AGO4: variants seen among roughly 807,000 people sequenced by gnomAD.
The protein encoded by AGO4 is argonaute RISC component 4.
AGO4 carries 33 observed loss-of-function variants against 104.7 expected under a neutral mutation model. The observed-to-expected ratio is 0.32, with a 90% CI of 0.24 to 0.42. AGO4 has a LOEUF of 0.42. Ranked by LOEUF, AGO4 falls within the 10% of genes least tolerant of loss-of-function variation. The pLI, the probability that AGO4 is intolerant of heterozygous loss-of-function variation, is 1.00. For synonymous variants in AGO4, 331 were observed against 364.7 expected (o/e 0.91, Z 1.05); for missense variants, 711 against 1,083.4 (o/e 0.66, Z 4.83).
intron 17 of AGO4, among the ~76,000 whole-genome samples, chr1:35,853,287 C>CT (rs1644750182): frequency 1.3e-5 from 2 of 148,544 alleles, no homozygotes; most frequent in Admixed American, 6.7e-5. Flanking sequence ...GTTGAGTCAA[C>CT]TGATATTTAG....
Position 35,855,652 on chromosome 1 carries a change from C to CTT in AGO4, c.*2064_*2065dup, listed in dbSNP as rs67520708. The CTT allele has an allele frequency of 1.8e-4, 23 of 126,290 alleles. No individual in the cohort carries two copies. Among genetic ancestry groups the CTT allele is most frequent in the East Asian group, 4.4e-4 (2 of 4,534 alleles). The allele number at this position is 126,290 out of a possible 1,614,324, so 7.8% of individuals were successfully genotyped here. ...CAGATGTTAATTTCTTAAAATTTTC[C>CTT]TTTTTTTTTTTTTTTTTTGCAAATA... On this transcript the variant is annotated 3_prime_UTR_variant, in exon 18 of 18. Transcript: ENST00000373210.
In AGO4 at chr1:35,853,120, G is replaced by C. The variant is rs190825973; in HGVS notation, c.2478-377G>C. On this transcript the variant is annotated intron_variant, in intron 17 of 17. Transcript: ENST00000373210. ...AAAAAAATCAGCCGGGTGTGGTGGCGGGCGCCTGTAGTCCCAGCTACTCGG... is the reference window on the plus strand; with the variant it reads ...AAAAAAATCAGCCGGGTGTGGTGGCCGGCGCCTGTAGTCCCAGCTACTCGG... 1.1e-3 allele frequency among the ~76,000 whole-genome samples: 173 copies of C among 152,006 alleles called. 1 individual carries two copies. The highest frequency in any genetic ancestry group is 4.1e-3 in the African/African-American group (172 of 41,454).
intron 1 of AGO4, among the ~76,000 whole-genome samples, chr1:35,811,591 T>C (rs527949546): frequency 3.3e-5 from 5 of 152,214 alleles, no homozygotes; most frequent in South Asian, 4.2e-4. Context: ...CAAGGCACTA[T>C]GTTAAACGTT....
chr1:35,832,537 C>T lies in AGO4; in HGVS notation c.1346C>T (p.Ala449Val), dbSNP rs777144958. The part of the protein sequence containing the change: ...EIKVWAVACF[A>V]PQKQCREDLL... ...AAAGTTTGGGCAGTTGCTTGTTTTGCACCTCAGAAACAATGTAGGGAAGAT... is the reference window on the plus strand; with the variant it reads ...AAAGTTTGGGCAGTTGCTTGTTTTGTACCTCAGAAACAATGTAGGGAAGAT... Residue 449 changes from alanine to valine, a missense_variant, in exon 11 of 18, where the codon GCA becomes GTA. Around this residue, in one of 3 missense-constraint regions of AGO4, gnomAD observed 401 missense variants for 665.5 expected, o/e 0.60. Coordinates refer to ENST00000373210, the MANE Select transcript of AGO4 (RefSeq NM_017629.4). 3 of 1,613,542 alleles carry T rather than the reference C, an allele frequency of 1.9e-6. No homozygotes were observed. The highest frequency in any genetic ancestry group is 2.5e-6 in the Non-Finnish European group (3 of 1,179,876).
Position 35,831,468 on chromosome 1 carries a change from C to G in AGO4, c.890C>G (p.Thr297Arg). The G allele has an allele frequency of 6.2e-7, 1 of 1,614,100 alleles. No individual in the cohort carries two copies. Among genetic ancestry groups the G allele is most frequent in the Non-Finnish European group, 8.5e-7 (1 of 1,179,988 alleles). Residue 297 changes from threonine to arginine, a missense_variant, in exon 8 of 18, where the codon ACA (threonine) becomes AGA (arginine). By Grantham distance (71) the Thr-to-Arg change is moderately conservative (BLOSUM62 -1). Transcript: ENST00000373210. The part of the protein sequence containing the change: ...QLENGQAMEC[T>R]VAQYFKQKYS... ...GAAAACGGTCAAGCTATGGAATGTA[C>G]AGTAGCTCAATATTTTAAGCAAAAG...
intron 12 of AGO4, among the ~76,000 whole-genome samples, chr1:35,835,096 C>T (rs1048906066): frequency 1.3e-5 from 2 of 149,264 alleles, no homozygotes; most frequent in South Asian, 2.1e-4. Flanking sequence ...CTGCAGCCTC[C>T]GCCTCTTGGG....
chr1:35,834,837 AGG>A (rs1417843795), intron 12 of AGO4, among the ~76,000 whole-genome samples: 3 of 151,898 alleles, frequency 2.0e-5, no homozygotes, highest in Non-Finnish European at 2.9e-5. Flanking sequence ...CTGGGAATAC[AGG>A]TGCCCACAAC....
chr1:35,826,867 A>G (rs1324103810), intron 7 of AGO4, 32 bp downstream of exon 7: 2 of 1,600,432 alleles, frequency 1.2e-6, no homozygotes, highest in Non-Finnish European at 1.7e-6. Context: ...TAATACAATT[A>G]CATTTTTAGT....
rs567111163 is a variant in AGO4 at position 35,821,427 on chromosome 1, G to A, written c.186-1435G>A. On this transcript the variant is annotated intron_variant, in intron 2 of 17. Transcript: ENST00000373210. ...GTTCCCACACATGAAACTCACAAAC[G>A]TTGCTAAGTTAAAGCACCTAACTTT... Among the ~76,000 whole-genome samples, 14 of 152,204 alleles carry A rather than the reference G, an allele frequency of 9.2e-5. No homozygotes were observed. In the South Asian group the frequency reaches 1.9e-3, roughly 20 times the overall value.
rs540925152 is a variant in AGO4 at position 35,823,495 on chromosome 1, G to A, written c.306+513G>A. The stretch of plus-strand genomic sequence containing the variant: ...GGCTGGAGTGCAGTGGCGCGATCTC[G>A]GCGCAGTGCAACTTCCACTTCCTGG... On this transcript the variant is annotated intron_variant, in intron 3 of 17. Coordinates refer to ENST00000373210, the MANE Select transcript of AGO4 (RefSeq NM_017629.4). 2.6e-5 allele frequency among the ~76,000 whole-genome samples: 4 copies of A among 152,170 alleles called. No homozygotes were observed. The East Asian group carries it at 5.8e-4, about 22-fold the overall frequency.
At chr1:35,819,088 ATAC>A (rs1643823250) in intron 2 of AGO4, among the ~76,000 whole-genome samples, 1 of 152,206 alleles carries the variant, frequency 6.6e-6, no homozygotes, top group Admixed American at 6.6e-5. Context: ...AAATATTTTC[ATAC>A]TACTGTCAAT....
Position 35,841,838 on chromosome 1 carries a change from A to ATATATATATATATATATATAT in AGO4, c.2175+88_2175+89insTATATATATATATATATATAT, listed in dbSNP as rs1644454285. On this transcript the variant is annotated intron_variant, in intron 15 of 17. Coordinates refer to ENST00000373210, the MANE Select transcript of AGO4 (RefSeq NM_017629.4). This position sits in a 1 kb window ranked among gnomAD's most constrained non-coding sequence, Gnocchi z 4.7. ...TATATATATATATATATATATATAT[A>ATATATATATATATATATATAT]CACCATTTTTATACAATTTTTTTCT... 1.2e-6 allele frequency: 1 copy of ATATATATATATATATATATAT among 827,652 alleles called. No homozygotes were observed. Among genetic ancestry groups the ATATATATATATATATATATAT allele is most frequent in the Non-Finnish European group, 1.6e-6 (1 of 637,738 alleles). 51.3% of individuals were successfully genotyped at this position (827,652 alleles called of 1,614,324 possible). A position where few individuals can be genotyped will look rare whatever the true frequency, so the allele number is the denominator to read the frequency against.
At chr1:35,838,918 C>A (rs1644376959) in intron 13 of AGO4, among the ~76,000 whole-genome samples, 1 of 149,310 alleles carries the variant, frequency 6.7e-6, no homozygotes, top group East Asian at 1.9e-4. Flanking sequence ...TATCACAGTT[C>A]TCTTTTTTTT....
upstream of AGO4, among the ~76,000 whole-genome samples, chr1:35,808,005 G>A (rs2148641636): frequency 6.6e-6 from 1 of 150,932 alleles, no homozygotes; most frequent in Admixed American, 6.6e-5. This position sits in a 1 kb window ranked among gnomAD's most constrained non-coding sequence, Gnocchi z 5.2. Flanking sequence ...GCACCCTCCG[G>A]GCGCGCGCTC....
intron 15 of AGO4, among the ~76,000 whole-genome samples, chr1:35,845,927 C>T (rs1010869869): frequency 6.6e-6 from 1 of 152,210 alleles, no homozygotes; most frequent in Non-Finnish European, 1.5e-5. Flanking sequence ...TGGAACACTG[C>T]CAGTCATCCT....
rs2148672233 is a variant in AGO4, at chr1:35,835,897, A to G, written c.1628A>G (p.Asn543Ser). The change falls in exon 13 of 18, where the codon AAT (asparagine) becomes AGT (serine). Residue 543 changes from asparagine to serine, a missense_variant. Physicochemically the swap from Asn to Ser is conservative, Grantham distance 46. Transcript: ENST00000373210. The part of the protein sequence containing the change: ...GMATQCVQVK[N>S]VVKTSPQTLS... The stretch of plus-strand genomic sequence containing the variant: ...GCCACACAGTGTGTCCAGGTAAAAA[A>G]TGTAGTGAAGACCTCACCTCAAACC... 1 of 1,614,096 alleles carries G rather than the reference A, an allele frequency of 6.2e-7. No individual in the cohort carries two copies. Among genetic ancestry groups the G allele is most frequent in the East Asian group, 2.2e-5 (1 of 44,882 alleles).
chr1:35,844,014 T>C (rs1405083803), intron 15 of AGO4, among the ~76,000 whole-genome samples: 2 of 152,176 alleles, frequency 1.3e-5, no homozygotes, highest in Admixed American at 6.6e-5. Context: ...CTTAGGCTGA[T>C]AGAAATTGCT....
At chr1:35,821,755 G>A (rs1014580212) in intron 2 of AGO4, among the ~76,000 whole-genome samples, 1 of 152,106 alleles carries the variant, frequency 6.6e-6, no homozygotes, top group Non-Finnish European at 1.5e-5. Context: ...AAGACAAGAC[G>A]GTATACAGAA....
At chr1:35,827,996 C>T (rs1262311230) in intron 7 of AGO4, among the ~76,000 whole-genome samples, 1 of 151,770 alleles carries the variant, frequency 6.6e-6, no homozygotes, top group African/African-American at 2.4e-5. Context: ...TTGCCCGCCT[C>T]GGCCTCCCAA....
Sources: gnomAD v4.1 joint callset for allele counts (sites outside exome capture counted in the v4.1 genomes callset) on GRCh38, gnomAD v4.1.1 for gene constraint, gnomAD v4.1.1 regional missense constraint, Gnocchi (gnomAD v3.1) non-coding constraint, MANE v1.5 for transcripts, NCBI Gene and HGNC (gene_info 2026-07-23, HGNC 2026-07-21) for gene names.